The following UIMC1 variants were observed in gnomAD, a reference collection of about 807,000 sequenced individuals.
UIMC1 encodes ubiquitin interaction motif containing 1, also known as BRCA1-A complex subunit RAP80.
Under a neutral mutation model 84.9 loss-of-function variants are expected in UIMC1, and 42 were observed. The observed-to-expected ratio is 0.49, with a 90% CI of 0.39 to 0.64. The LOEUF (loss-of-function observed/expected upper bound fraction) is 0.64, where lower values mean the gene tolerates loss of function less well. Ranked by LOEUF, UIMC1 falls within the 30% of genes least tolerant of loss-of-function variation. The pLI, the probability that UIMC1 is intolerant of heterozygous loss-of-function variation, is 0.00. For missense variants in UIMC1, 825 were observed against 847.6 expected, an observed-to-expected ratio of 0.97 and a Z score of 0.33; for synonymous variants, 281 against 293.0, an observed-to-expected ratio of 0.96 and a Z score of 0.42.
At chr5:176,958,224 AAATTT>A in intron 6 of UIMC1, 70 bp from the exon 7 acceptor site, 1 of 1,357,262 alleles carries the variant, frequency 7.4e-7, no homozygotes, top group Non-Finnish European at 1.0e-6. Flanking sequence ...TTTTTTAAAA[AAATTT>A]AATTGTTCAA....
intron 1 of UIMC1, among the ~76,000 whole-genome samples, chr5:176,989,947 G>A (rs1177299912): frequency 2.0e-5 from 3 of 152,016 alleles, no homozygotes; most frequent in African/African-American, 4.8e-5. Flanking sequence ...TTGGGAGGCC[G>A]AGGCAGGCAG....
intron 10 of UIMC1, among the ~76,000 whole-genome samples, chr5:176,924,332 T>A (rs1156766619): frequency 3.4e-5 from 5 of 146,994 alleles, no homozygotes; most frequent in Non-Finnish European, 6.0e-5. Context: ...AAAAAAAAAA[T>A]AATAAAAATA....
Position 176,908,643 on chromosome 5 carries a change from C to A in UIMC1, c.1728G>T (p.Gln576His). The change falls in exon 12 of 15, where the codon CAG (glutamine) becomes CAT (histidine). Residue 576 changes from glutamine to histidine, a missense_variant. By Grantham distance (24) the Gln-to-His change is conservative. Coordinates refer to ENST00000511320, the MANE Select transcript of UIMC1 (RefSeq NM_001199298.2). ...GCTGGAGACAGGAGTCCACATGACA[C>A]TGATACTCTCTAAATGGGACCAGGG... ...CKSLVPFREY[Q>H]CHVDSCLQLA... 1 of 1,614,210 alleles carries A rather than the reference C, an allele frequency of 6.2e-7. No homozygotes were observed.
upstream of UIMC1, among the ~76,000 whole-genome samples, chr5:177,007,202 T>C (rs930285372): frequency 2.6e-5 from 4 of 151,020 alleles, no homozygotes; most frequent in Non-Finnish European, 5.9e-5. Flanking sequence ...TAGCCAGGCG[T>C]GGTGGCGCGT....
At chr5:176,989,402 G>GAT (rs1201506693) in intron 1 of UIMC1, among the ~76,000 whole-genome samples, 1 of 152,136 alleles carries the variant, frequency 6.6e-6, no homozygotes, top group Non-Finnish European at 1.5e-5. Context: ...GCTCAAGTCT[G>GAT]TAATCCCAGC....
intron 8 of UIMC1, among the ~76,000 whole-genome samples, chr5:176,953,758 T>C (rs1047816479): frequency 2.6e-5 from 4 of 152,176 alleles, no homozygotes; most frequent in Non-Finnish European, 5.9e-5. Context: ...ATGCAAAATG[T>C]AGGCATAAGG....
chr5:177,020,882 A>G (rs1167068954), intron 1 of UIMC1, among the ~76,000 whole-genome samples: 1 of 152,234 alleles, frequency 6.6e-6, no homozygotes. Flanking sequence ...TGAGGTTGAA[A>G]TAAGCTAGTA....
intron 9 of UIMC1, among the ~76,000 whole-genome samples, chr5:176,945,133 C>T (rs1764917626): frequency 6.6e-6 from 1 of 152,158 alleles, no homozygotes; most frequent in Non-Finnish European, 1.5e-5. Flanking sequence ...TTTCTGGAAG[C>T]GGATCCTGCA....
intron 2 of UIMC1, among the ~76,000 whole-genome samples, chr5:176,977,686 G>A (rs10476208): frequency 6.6e-6 from 1 of 151,554 alleles, no homozygotes; most frequent in East Asian, 1.9e-4. Context: ...AAGCTGGGTG[G>A]ATCACCTGAG....
intron 10 of UIMC1, among the ~76,000 whole-genome samples, chr5:176,934,320 A>G (rs1231763222): frequency 1.3e-5 from 2 of 152,216 alleles, no homozygotes; most frequent in African/African-American, 4.8e-5. Context: ...ATTCAACCAT[A>G]ATTTAGAATA....
At chr5:176,914,074 C>T (rs200144737) in intron 10 of UIMC1, among the ~76,000 whole-genome samples, 165 of 42,430 alleles carry the variant, frequency 3.9e-3, no homozygotes, top group African/African-American at 8.5e-3. Flanking sequence ...TACCATACCA[C>T]ACCACACCAC....
chr5:177,004,312 A>C (rs1774968489), intron 1 of UIMC1, among the ~76,000 whole-genome samples: 1 of 152,182 alleles, frequency 6.6e-6, no homozygotes, highest in African/African-American at 2.4e-5. Context: ...ACAAATTCCA[A>C]AATTTCCAGT....
At chr5:176,987,994 C>T (rs1177209237) in intron 1 of UIMC1, among the ~76,000 whole-genome samples, 5 of 151,062 alleles carry the variant, frequency 3.3e-5, no homozygotes, top group Non-Finnish European at 7.4e-5. Context: ...GATGTGGTGG[C>T]GCACTTGTAG....
chr5:176,957,934 A>G lies in UIMC1; in HGVS notation c.1262+159T>C, dbSNP rs567195452. On this transcript the variant is annotated intron_variant, in intron 7 of 14. Coordinates refer to ENST00000511320, the MANE Select transcript of UIMC1 (RefSeq NM_001199298.2). Reference sequence around the variant, plus strand: ...TGGGCTTCTATGAGATGCACATCTGAGAACTTAGAGATACTAATAAAATTT... The same window carrying G: ...TGGGCTTCTATGAGATGCACATCTGGGAACTTAGAGATACTAATAAAATTT... Among the ~76,000 whole-genome samples, 3 of 152,350 alleles carry G rather than the reference A, an allele frequency of 2.0e-5. No individual in the cohort carries two copies. In the East Asian group the frequency reaches 5.8e-4, roughly 29 times the overall value.
chr5:176,949,417 G>A (rs1241235755), intron 9 of UIMC1, among the ~76,000 whole-genome samples: 1 of 152,206 alleles, frequency 6.6e-6, no homozygotes, highest in African/African-American at 2.4e-5. Context: ...TGCAGTCATG[G>A]ATGGGTATGA....
chr5:176,955,422 T>C (rs1228270494), intron 8 of UIMC1, among the ~76,000 whole-genome samples: 1 of 151,996 alleles, frequency 6.6e-6, no homozygotes, highest in African/African-American at 2.4e-5. Context: ...AATGGCAATA[T>C]AAAAACTAAC....
intron 1 of UIMC1, among the ~76,000 whole-genome samples, chr5:176,992,925 C>T (rs1413198916): frequency 6.6e-6 from 1 of 152,136 alleles, no homozygotes; most frequent in African/African-American, 2.4e-5. Flanking sequence ...TTGGCTCACG[C>T]CTGTAATCCC....
At position 176,954,760 on chromosome 5, in the gene UIMC1, A is replaced by G. The variant is rs184995632; in HGVS notation, c.1339+1199T>C. The stretch of plus-strand genomic sequence containing the variant: ...AAAACTCTGTCTCAAAAAAAAAAAA[A>G]AAAGAAAAAAGCCAACATAGTCCGA... On this transcript the variant is annotated intron_variant, in intron 8 of 14. Transcript: ENST00000511320. Among the ~76,000 whole-genome samples the G allele has an allele frequency of 2.0e-3, 296 of 151,542 alleles. 4 individuals carry two copies. The highest frequency in any genetic ancestry group is 0.015 in the Admixed American group (236 of 15,248).
chr5:176,916,392 T>TAC (rs1415865274), intron 10 of UIMC1, among the ~76,000 whole-genome samples: 1 of 152,226 alleles, frequency 6.6e-6, no homozygotes, highest in African/African-American at 2.4e-5. Context: ...TAAGGAGTTG[T>TAC]ACTTAGAACT....
Sources: allele counts gnomAD v4.1 joint callset (sites outside exome capture counted in the v4.1 genomes callset), GRCh38; gene constraint gnomAD v4.1.1; transcripts MANE v1.5; gene names NCBI Gene and HGNC (gene_info 2026-07-23, HGNC 2026-07-21).